Variants in MRAS observed in about 807,000 individuals in gnomAD.
The protein encoded by MRAS is muscle RAS oncogene homolog, also known as ras-related protein M-Ras.
Under a neutral mutation model 20.9 loss-of-function variants are expected in MRAS, and 4 were observed. The observed-to-expected ratio is 0.19, with a 90% CI of 0.09 to 0.44. The LOEUF (loss-of-function observed/expected upper bound fraction) is 0.44. Ranked by LOEUF, MRAS falls within the 20% of genes least tolerant of loss-of-function variation. MRAS has a pLI of 0.99. For synonymous variants in MRAS, 98 were observed against 102.9 expected, an observed-to-expected ratio of 0.95 and a Z score of 0.29; for missense variants, 154 against 277.5, an observed-to-expected ratio of 0.56 and a Z score of 3.16.
At chr3:138,395,458 G>T (rs767892250) in intron 2 of MRAS, among the ~76,000 whole-genome samples, 2 of 151,544 alleles carry the variant, frequency 1.3e-5, no homozygotes, top group Non-Finnish European at 2.9e-5. Flanking sequence ...TCCTTCACAC[G>T]CCCTTCACTC....
chr3:138,353,372 C>G (rs1490072525), intron 1 of MRAS, among the ~76,000 whole-genome samples: 1 of 152,132 alleles, frequency 6.6e-6, no homozygotes, highest in Admixed American at 6.5e-5. Context: ...GGCTGGGAAA[C>G]TTTCCACAAG....
intron 4 of MRAS, among the ~76,000 whole-genome samples, chr3:138,399,366 A>G (rs1426374570): frequency 2.0e-5 from 3 of 152,202 alleles, no homozygotes; most frequent in African/African-American, 4.8e-5. Context: ...TGTCCAATGA[A>G]TATTTCAAAG....
intron 1 of MRAS, among the ~76,000 whole-genome samples, chr3:138,353,187 C>T (rs1266822911): frequency 1.3e-5 from 2 of 151,944 alleles, no homozygotes; most frequent in Non-Finnish European, 2.9e-5. Context: ...AAAATACAGG[C>T]ATCAGAACAA....
chr3:138,398,686 G>T, intron 4 of MRAS, 118 bp downstream of exon 4: 1 of 854,478 alleles, frequency 1.2e-6, no homozygotes. Flanking sequence ...GCTCCCCTTA[G>T]TTTAAGTCTT....
chr3:138,372,070 T>G (rs1216574338), intron 1 of MRAS, among the ~76,000 whole-genome samples: 2 of 152,052 alleles, frequency 1.3e-5, no homozygotes, highest in African/African-American at 4.8e-5. Flanking sequence ...AATTCTTCAC[T>G]GGGGGGGACT....
At chr3:138,366,720 T>C (rs999823499) in intron 1 of MRAS, among the ~76,000 whole-genome samples, 7 of 152,232 alleles carry the variant, frequency 4.6e-5, no homozygotes, top group African/African-American at 1.7e-4. Context: ...AGTTCTAACA[T>C]GACCCTCGGC....
chr3:138,359,737 G>A (rs943616965), intron 1 of MRAS, among the ~76,000 whole-genome samples: 6 of 152,122 alleles, frequency 3.9e-5, no homozygotes, highest in Non-Finnish European at 8.8e-5. Flanking sequence ...GCTCTCTTCA[G>A]TGAGATCATT....
intron 2 of MRAS, among the ~76,000 whole-genome samples, chr3:138,390,463 G>A (rs957255279): frequency 2.0e-5 from 3 of 152,100 alleles, no homozygotes; most frequent in Non-Finnish European, 4.4e-5. Flanking sequence ...ACACGCACAC[G>A]CACATTGGCA....
intron 1 of MRAS, among the ~76,000 whole-genome samples, chr3:138,367,561 C>T (rs889140454): frequency 6.6e-6 from 1 of 152,176 alleles, no homozygotes; most frequent in Non-Finnish European, 1.5e-5. Context: ...CCCAGCCACC[C>T]ACTTCCTAGG....
intron 2 of MRAS, among the ~76,000 whole-genome samples, chr3:138,396,825 C>T (rs1232992017): frequency 1.3e-5 from 2 of 152,212 alleles, no homozygotes; most frequent in East Asian, 1.9e-4. Flanking sequence ...AGGGCTTCCC[C>T]CCAGGCATGT....
intron 1 of MRAS, among the ~76,000 whole-genome samples, chr3:138,353,942 T>TA (rs1362056166): frequency 6.6e-6 from 1 of 152,216 alleles, no homozygotes; most frequent in African/African-American, 2.4e-5. Flanking sequence ...CTCCTTCCGT[T>TA]AGACCGTGCT....
intron 1 of MRAS, among the ~76,000 whole-genome samples, chr3:138,360,738 C>T (rs1420774627): frequency 1.3e-5 from 2 of 152,228 alleles, no homozygotes; most frequent in Non-Finnish European, 2.9e-5. Flanking sequence ...CTGCCAGTAT[C>T]ACTCCTGCAT....
At position 138,402,302 on chromosome 3, in the gene MRAS, C is replaced by T; in HGVS notation, c.*33C>T. 2.5e-6 allele frequency: 4 copies of T among 1,583,702 alleles called. No individual in the cohort carries two copies. Among genetic ancestry groups the T allele is most frequent in the Non-Finnish European group, 1.7e-6 (2 of 1,153,760 alleles). ...GAGGCCCTGGGCACAGTGACGGTGG[C>T]CTGGCCAGCCCTCGGGACCCCTCCC... On this transcript the variant is annotated 3_prime_UTR_variant, in exon 6 of 6. Transcript: ENST00000423968.
intron 4 of MRAS, 160 bp from the exon 5 acceptor site, chr3:138,400,374 G>A: frequency 3.1e-6 from 2 of 643,236 alleles, no homozygotes; most frequent in Non-Finnish European, 5.6e-6. Flanking sequence ...CTGAAAGAGT[G>A]AAAAGCCCTA....
intron 2 of MRAS, among the ~76,000 whole-genome samples, chr3:138,385,059 G>T (rs2054981306): frequency 6.6e-6 from 1 of 151,878 alleles, no homozygotes; most frequent in Non-Finnish European, 1.5e-5. Flanking sequence ...GGAGCAGGCA[G>T]CGAGGATAGG....
chr3:138,361,895 G>A (rs1018895013), intron 1 of MRAS, among the ~76,000 whole-genome samples: 1 of 152,172 alleles, frequency 6.6e-6, no homozygotes, highest in African/African-American at 2.4e-5. Context: ...TAGACCCCCA[G>A]GGACTGAGAA....
At chr3:138,375,347 A>G (rs2054761446) in intron 2 of MRAS, among the ~76,000 whole-genome samples, 1 of 152,130 alleles carries the variant, frequency 6.6e-6, no homozygotes, top group Non-Finnish European at 1.5e-5. Context: ...GTTTTCTTGT[A>G]ATGTCTGTGT....
intron 2 of MRAS, among the ~76,000 whole-genome samples, chr3:138,393,723 C>T (rs943189771): frequency 6.6e-6 from 1 of 151,794 alleles, no homozygotes; most frequent in Non-Finnish European, 1.5e-5. Flanking sequence ...GAGCTTCGCT[C>T]TTGTTGCCTA....
intron 1 of MRAS, among the ~76,000 whole-genome samples, chr3:138,365,410 G>A (rs1009770710): frequency 2.6e-5 from 4 of 152,224 alleles, no homozygotes; most frequent in African/African-American, 9.6e-5. Flanking sequence ...ATATGAGGAA[G>A]CATGTGGTAC....
Sources: allele counts gnomAD v4.1 joint callset (sites outside exome capture counted in the v4.1 genomes callset), GRCh38; gene constraint gnomAD v4.1.1; transcripts MANE v1.5; gene names NCBI Gene and HGNC (gene_info 2026-07-23, HGNC 2026-07-21).